GLE1: variants seen among roughly 807,000 people sequenced by gnomAD.
GLE1 encodes the protein GLE1 RNA export mediator.
A neutral mutation model predicts 97.3 loss-of-function variants in GLE1; 78 were observed. The ratio of observed to expected loss-of-function variants is 0.80; its 90% CI spans 0.67 to 0.97. The LOEUF (loss-of-function observed/expected upper bound fraction) is 0.97, where lower values mean the gene tolerates loss of function less well. GLE1 is among the 50% of genes least tolerant of loss of function. The pLI is 0.00. For synonymous variants in GLE1, 302 were observed against 313.4 expected (o/e 0.96, Z 0.39); for missense variants, 753 against 857.5 (o/e 0.88, Z 1.52).
intron 2 of GLE1, among the ~76,000 whole-genome samples, chr9:128,511,725 C>T (rs145625715): frequency 1.4e-4 from 21 of 151,036 alleles, no homozygotes; most frequent in African/African-American, 3.9e-4. Flanking sequence ...AAAAAATTAA[C>T]GTGATCATGG....
chr9:128,509,973 T>C (rs1846757327), intron 2 of GLE1, among the ~76,000 whole-genome samples: 1 of 152,134 alleles, frequency 6.6e-6, no homozygotes, highest in Non-Finnish European at 1.5e-5. Context: ...AAAAGTTAAA[T>C]TTTGGAAGTT....
At chr9:128,526,786 C>CA (rs1847312336) in intron 7 of GLE1, among the ~76,000 whole-genome samples, 1 of 152,096 alleles carries the variant, frequency 6.6e-6, no homozygotes, top group Non-Finnish European at 1.5e-5. Context: ...CCTCCCCACT[C>CA]AGCCTCCCAA....
chr9:128,537,142 G>C (rs1847735615), intron 12 of GLE1, among the ~76,000 whole-genome samples: 1 of 152,006 alleles, frequency 6.6e-6, no homozygotes, highest in African/African-American at 2.4e-5. Flanking sequence ...AGAATGTGTG[G>C]GAACCAATGT....
intron 10 of GLE1, 32 bp downstream of exon 10, chr9:128,533,687 G>A: frequency 6.2e-7 from 1 of 1,613,128 alleles, no homozygotes; most frequent in Non-Finnish European, 8.5e-7. Context: ...GGTATGGGAA[G>A]CAGAGGCTGG....
At chr9:128,523,868 C>T (rs929252686) in intron 6 of GLE1, 22 bp downstream of exon 6, 4 of 1,613,204 alleles carry the variant, frequency 2.5e-6, no homozygotes, top group Non-Finnish European at 3.4e-6. Flanking sequence ...TTCAGAGTGA[C>T]TCTTTGCTGT....
chr9:128,511,512 T>C (rs1032287018), intron 2 of GLE1, among the ~76,000 whole-genome samples: 45 of 151,136 alleles, frequency 3.0e-4, no homozygotes, highest in Non-Finnish European at 5.3e-4. Flanking sequence ...TCAAGACCAT[T>C]CTGGCTAACA....
chr9:128,530,629 G>T (rs1368500711), intron 9 of GLE1, among the ~76,000 whole-genome samples: 2 of 152,146 alleles, frequency 1.3e-5, no homozygotes, highest in African/African-American at 4.8e-5. Context: ...AAAAAGGTGG[G>T]CCGGGCGCGG....
chr9:128,513,256 T>G (rs1354526182), intron 2 of GLE1, among the ~76,000 whole-genome samples: 1 of 151,998 alleles, frequency 6.6e-6, no homozygotes, highest in Non-Finnish European at 1.5e-5. Context: ...TATTTTTGAC[T>G]CAATCTAGTG....
intron 1 of GLE1, 145 bp downstream of exon 1, chr9:128,505,049 C>T: frequency 3.0e-6 from 2 of 674,008 alleles, no homozygotes; most frequent in Non-Finnish European, 2.7e-6. Flanking sequence ...GTACATCCCT[C>T]TGTCCTGGGG....
intron 9 of GLE1, among the ~76,000 whole-genome samples, chr9:128,528,497 G>T (rs1275052020): frequency 1.3e-5 from 2 of 151,752 alleles, no homozygotes; most frequent in African/African-American, 4.8e-5. Context: ...TAGACACGGG[G>T]TTTCACCGTG....
intron 3 of GLE1, among the ~76,000 whole-genome samples, chr9:128,522,044 A>T (rs1211332371): frequency 6.6e-6 from 1 of 152,204 alleles, no homozygotes; most frequent in African/African-American, 2.4e-5. Flanking sequence ...TGGAATTAGA[A>T]TGAGGATTTC....
chr9:128,536,314 G>T (rs542966163), intron 11 of GLE1, 41 bp from the exon 12 acceptor site: 1 of 1,588,754 alleles, frequency 6.3e-7, no homozygotes, highest in African/African-American at 1.3e-5. Context: ...GATTACAAGC[G>T]TGAGCCACCA....
intron 14 of GLE1, 120 bp from the exon 15 acceptor site, chr9:128,540,155 T>A: frequency 1.3e-6 from 1 of 756,252 alleles, no homozygotes; most frequent in Non-Finnish European, 2.4e-6. Context: ...GTTCAAGGCC[T>A]CGGTGAGCTA....
intron 3 of GLE1, among the ~76,000 whole-genome samples, chr9:128,517,921 T>A (rs762397295): frequency 1.3e-5 from 2 of 152,154 alleles, no homozygotes; most frequent in Non-Finnish European, 2.9e-5. Context: ...GGATTCATTA[T>A]TTTTTATTTG....
chr9:128,509,358 G>A (rs1275025122), intron 2 of GLE1, among the ~76,000 whole-genome samples: 3 of 150,230 alleles, frequency 2.0e-5, no homozygotes, highest in South Asian at 2.1e-4. Flanking sequence ...TCTGATGAAC[G>A]CTGCGTCTGT....
rs968137885 is a variant in GLE1 at position 128,540,998 on chromosome 9, A to C, written c.2029-104A>C. On this transcript the variant is annotated intron_variant, in intron 15 of 15. Transcript: ENST00000309971. ...CTTTTTCCTTTTTGTTCACTGTTCCATAGGGCTGAAATATGGTGTTCCTCA... is the reference window on the plus strand; with the variant it reads ...CTTTTTCCTTTTTGTTCACTGTTCCCTAGGGCTGAAATATGGTGTTCCTCA... 2.6e-5 allele frequency: 21 copies of C among 792,730 alleles called. No homozygotes were observed. The African/African-American group carries it at 3.2e-4, about 12-fold the overall frequency. The allele number at this position is 792,730 out of a possible 1,614,324, so 49.1% of individuals were successfully genotyped here. A position where few individuals can be genotyped will look rare whatever the true frequency, so the allele number is the denominator to read the frequency against.
At chr9:128,539,570 G>A in intron 13 of GLE1, 46 bp from the exon 14 acceptor site, 1 of 1,550,646 alleles carries the variant, frequency 6.4e-7, no homozygotes, top group Non-Finnish European at 8.9e-7. Flanking sequence ...TCCTGTGAGT[G>A]TGAATTTTCA....
intron 2 of GLE1, among the ~76,000 whole-genome samples, chr9:128,510,198 C>G (rs938077487): frequency 6.6e-6 from 1 of 151,660 alleles, no homozygotes; most frequent in East Asian, 1.9e-4. Context: ...GCTGGGACTG[C>G]GTGTGGACAC....
rs1190072268 is a variant in GLE1 at position 128,508,478 on chromosome 9, C to T, written c.100-398C>T. On this transcript the variant is annotated intron_variant, in intron 1 of 15. Transcript: ENST00000309971. ...GTAAGGATGCTTTACGATACTCGCA[C>T]AATGACAAGATCACCTAACCCTGTG... 2.6e-5 allele frequency among the ~76,000 whole-genome samples: 4 copies of T among 152,210 alleles called. No individual in the cohort carries two copies. In the East Asian group the frequency reaches 5.8e-4, roughly 22 times the overall value.
Sources: gnomAD v4.1 joint callset for allele counts (sites outside exome capture counted in the v4.1 genomes callset) on GRCh38, gnomAD v4.1.1 for gene constraint, MANE v1.5 for transcripts, NCBI Gene and HGNC (gene_info 2026-07-23, HGNC 2026-07-21) for gene names.